The following TMA16 variants were observed in gnomAD, a reference collection of about 807,000 sequenced individuals.
TMA16 encodes the protein translation machinery-associated protein 16.
In TMA16, 26 loss-of-function variants were observed where a neutral mutation model predicts 27.1. That is an observed-to-expected ratio of 0.96 (90% CI 0.70 to 1.33). TMA16 has a LOEUF of 1.33. Among genes scored for constraint, TMA16 ranks in the 40% most tolerant of loss-of-function variants. The pLI is 0.00. For synonymous variants in TMA16, 71 were observed against 81.9 expected (o/e 0.87, Z 0.72); for missense variants, 233 against 241.4 (o/e 0.97, Z 0.23).
intron 1 of TMA16, among the ~76,000 whole-genome samples, chr4:163,499,514 A>G (rs1737614234): frequency 6.6e-6 from 1 of 152,070 alleles, no homozygotes; most frequent in South Asian, 2.1e-4. Context: ...AAAGATTCCT[A>G]TGCTTTTTAT....
intron 2 of TMA16, among the ~76,000 whole-genome samples, chr4:163,512,013 CTT>C (rs111789578): frequency 2.1e-5 from 3 of 144,158 alleles, no homozygotes; most frequent in African/African-American, 2.5e-5. Flanking sequence ...TAGTCCCTAT[CTT>C]TTTTTTTTTT....
chr4:163,513,079 A>G (rs1224558462), intron 3 of TMA16, among the ~76,000 whole-genome samples: 2 of 152,082 alleles, frequency 1.3e-5, no homozygotes, highest in African/African-American at 4.8e-5. Context: ...ATATTTATCT[A>G]CCTACCTACC....
intron 1 of TMA16, among the ~76,000 whole-genome samples, chr4:163,502,447 T>C (rs543248577): frequency 5.1e-4 from 77 of 152,302 alleles, no homozygotes; most frequent in African/African-American, 1.7e-3. Flanking sequence ...CCTCAGGACA[T>C]ATTTGCAGTC....
chr4:163,504,261 A>G (rs1233488055), intron 1 of TMA16, among the ~76,000 whole-genome samples: 1 of 152,132 alleles, frequency 6.6e-6, no homozygotes, highest in Non-Finnish European at 1.5e-5. Flanking sequence ...ATCTCTTTTC[A>G]CAGGATGCAT....
intron 3 of TMA16, among the ~76,000 whole-genome samples, chr4:163,513,811 C>T (rs1737833227): frequency 6.6e-6 from 1 of 152,182 alleles, no homozygotes; most frequent in African/African-American, 2.4e-5. Context: ...TAATCATTTT[C>T]CTTTTTTGCA....
At chr4:163,517,698 T>C in intron 6 of TMA16, 2 of 498,448 alleles carry the variant, frequency 4.0e-6, no homozygotes, top group Non-Finnish European at 7.0e-6. Context: ...TTTTTCAAAA[T>C]GGTTTAAGAT....
At position 163,519,692 on chromosome 4, in the gene TMA16, T is replaced by A. The variant is rs1737940679; in HGVS notation, c.*178T>A. On this transcript the variant is annotated 3_prime_UTR_variant, in exon 7 of 7. Transcript: ENST00000358572. ...CTTATTTTAAAATGAAGATTGCTTT[T>A]CATTTCCATTAAGTTGCTAAAATAG... The A allele has an allele frequency of 1.6e-6, 1 of 635,418 alleles. No homozygotes were observed. Among genetic ancestry groups the A allele is most frequent in the Non-Finnish European group, 2.6e-6 (1 of 389,834 alleles). 39.4% of individuals were successfully genotyped at this position (635,418 alleles called of 1,614,324 possible).
intron 5 of TMA16, chr4:163,515,751 C>A (rs1049760967): frequency 4.4e-6 from 1 of 226,472 alleles, no homozygotes; most frequent in African/African-American, 2.3e-5. Context: ...CTCCAGAACT[C>A]CAAATTTGCA....
At chr4:163,500,836 G>T (rs770772168) in intron 1 of TMA16, among the ~76,000 whole-genome samples, 5 of 152,144 alleles carry the variant, frequency 3.3e-5, no homozygotes, top group Non-Finnish European at 5.9e-5. Flanking sequence ...AAAGACCCAG[G>T]AATGAGAAGG....
chr4:163,496,824 C>T (rs1400109248), intron 1 of TMA16, among the ~76,000 whole-genome samples: 2 of 123,914 alleles, frequency 1.6e-5, no homozygotes, highest in African/African-American at 2.9e-5. Flanking sequence ...TCTCGAACCC[C>T]TGACCTCAAA....
At chr4:163,515,043 C>T (rs1737854056) in intron 4 of TMA16, among the ~76,000 whole-genome samples, 4 of 152,038 alleles carry the variant, frequency 2.6e-5, no homozygotes, top group South Asian at 4.2e-4. Context: ...GATGTGCTAA[C>T]GGTGAAGCCA....
intron 2 of TMA16, 47 bp from the exon 3 acceptor site, chr4:163,512,775 C>T (rs1465522737): frequency 6.7e-7 from 1 of 1,489,612 alleles, no homozygotes; most frequent in East Asian, 2.3e-5. Flanking sequence ...AGTTTTAAAA[C>T]TTGCTTTGGA....
Position 163,494,780 on chromosome 4 carries a change from C to A in TMA16, c.-22C>A. 2 of 1,612,916 alleles carry A rather than the reference C, an allele frequency of 1.2e-6. No homozygotes were observed. The highest frequency in any genetic ancestry group is 1.1e-5 in the South Asian group (1 of 91,080). On this transcript the variant is annotated 5_prime_UTR_variant, in exon 1 of 7. Transcript: ENST00000358572. The stretch of plus-strand genomic sequence containing the variant: ...CCTGGGTCTAGAGTGCGGAGCTGCT[C>A]CGTGGCCACGAGGACGTCACCATGG...
chr4:163,497,246 G>A (rs544238650), intron 1 of TMA16, among the ~76,000 whole-genome samples: 69 of 152,292 alleles, frequency 4.5e-4, no homozygotes, highest in Non-Finnish European at 7.5e-4. Flanking sequence ...GAGATTATCT[G>A]TTAGTGAAAA....
chr4:163,515,449 G>A lies in TMA16; in HGVS notation c.376G>A (p.Gly126Arg), dbSNP rs761832937. Residue 126 changes from glycine (G) to arginine (R), a missense_variant, in exon 5 of 7, where the codon GGA (glycine) becomes AGA (arginine). Coordinates refer to ENST00000358572, the MANE Select transcript of TMA16 (RefSeq NM_018352.3). The part of the protein sequence containing the change: ...TMERERQQFE[G>R]YGLEIPDILN... Reference sequence around the variant, plus strand: ...GGAGCGGGAGCGACAGCAGTTTGAGGGATATGGCCTTGGTGTGCTCACTGA... The same window carrying A: ...GGAGCGGGAGCGACAGCAGTTTGAGAGATATGGCCTTGGTGTGCTCACTGA... 8 of 1,613,538 alleles carry A rather than the reference G, an allele frequency of 5.0e-6. No homozygotes were observed. The African/African-American group carries it at 8.0e-5, about 16-fold the overall frequency.
At chr4:163,495,158 A>AC (rs1490898387) in intron 1 of TMA16, among the ~76,000 whole-genome samples, 1 of 152,126 alleles carries the variant, frequency 6.6e-6, no homozygotes, top group Non-Finnish European at 1.5e-5. Context: ...CTGGCCCTAC[A>AC]CACCTCTGCC....
rs1200172432 is a variant in TMA16 at position 163,519,619 on chromosome 4, C to G, written c.*105C>G. On this transcript the variant is annotated 3_prime_UTR_variant, in exon 7 of 7. Coordinates refer to ENST00000358572, the MANE Select transcript of TMA16 (RefSeq NM_018352.3). ...TACAAAAATTTGATACTGACATTCT[C>G]TTATATGATGAGAGTTTCATTTGCG... is the stretch of plus-strand genomic sequence containing the variant. The G allele has an allele frequency of 1.1e-5, 12 of 1,089,222 alleles. No individual in the cohort carries two copies. The highest frequency in any genetic ancestry group is 1.5e-5 in the Non-Finnish European group (12 of 782,584). 67.5% of individuals were successfully genotyped at this position (1,089,222 alleles called of 1,614,324 possible). A position where few individuals can be genotyped will look rare whatever the true frequency, so the allele number is the denominator to read the frequency against.
rs117892503 is a variant in TMA16, at chr4:163,503,540, C to T, written c.4-3493C>T. ...TTAAAGCGTATTGCCCCTAAAATAA[C>T]TCTATTATGTCGTTTTGAATAAACT... On this transcript the variant is annotated intron_variant, in intron 1 of 6. Transcript: ENST00000358572. Among the ~76,000 whole-genome samples the T allele has an allele frequency of 9.2e-3, 1,407 of 152,270 alleles. 22 individuals carry two copies. The highest frequency in any genetic ancestry group is 0.066 in the East Asian group (342 of 5,182).
At chr4:163,511,118 A>G (rs955786471) in intron 2 of TMA16, among the ~76,000 whole-genome samples, 1 of 152,152 alleles carries the variant, frequency 6.6e-6, no homozygotes, top group Non-Finnish European at 1.5e-5. Flanking sequence ...GTGTATATTT[A>G]AGTATATATG....
Sources: allele counts gnomAD v4.1 joint callset (sites outside exome capture counted in the v4.1 genomes callset), GRCh38; gene constraint gnomAD v4.1.1; transcripts MANE v1.5; gene names NCBI Gene and HGNC (gene_info 2026-07-23, HGNC 2026-07-21).